The following IGBP1C variants were observed in gnomAD, a reference collection of about 807,000 sequenced individuals.
IGBP1C encodes immunoglobulin-binding protein 1 family member C.
chr17:58,662,615 G>C, the IGBP1C span, among the ~76,000 whole-genome samples: 1 of 152,118 alleles, frequency 6.6e-6, no homozygotes, highest in Non-Finnish European at 1.5e-5. Flanking sequence ...GATCATGGCT[G>C]TTCCTGCCAA....
the IGBP1C span, among the ~76,000 whole-genome samples, chr17:58,662,167 A>G: frequency 1.3e-5 from 2 of 149,282 alleles, no homozygotes; most frequent in Non-Finnish European, 3.0e-5. Context: ...AAAATTACTG[A>G]GTGGCCAGGC....
chr17:58,665,904 A>G, the IGBP1C span, among the ~76,000 whole-genome samples: 1 of 151,842 alleles, frequency 6.6e-6, no homozygotes, highest in Non-Finnish European at 1.5e-5. Context: ...AAAACTAGCC[A>G]CGCGTGGTGG....
the IGBP1C span, among the ~76,000 whole-genome samples, chr17:58,674,081 C>T: frequency 6.6e-6 from 1 of 152,104 alleles, no homozygotes; most frequent in African/African-American, 2.4e-5. Context: ...CAAGACCAGT[C>T]TGGCCAACAT....
the IGBP1C span, among the ~76,000 whole-genome samples, chr17:58,683,754 C>T: frequency 2.4e-5 from 3 of 125,286 alleles, no homozygotes; most frequent in African/African-American, 9.3e-5. Context: ...CAGAGCAAGA[C>T]TCCAGCTCAA....
chr17:58,670,434 A>G, the IGBP1C span, among the ~76,000 whole-genome samples: 1 of 152,028 alleles, frequency 6.6e-6, no homozygotes, highest in South Asian at 2.1e-4. Flanking sequence ...TAAAAAAAAA[A>G]ACAACAAACA....
the IGBP1C span, among the ~76,000 whole-genome samples, chr17:58,681,025 T>A: frequency 2.0e-5 from 3 of 152,114 alleles, no homozygotes; most frequent in Non-Finnish European, 2.9e-5. Flanking sequence ...CTCACACCTG[T>A]AATCCCAGCA....
chr17:58,661,490 G>A, the IGBP1C span: 1 of 781,258 alleles, frequency 1.3e-6, no homozygotes, highest in South Asian at 1.3e-5. Flanking sequence ...GACTATTCGG[G>A]AACCGGTGGG....
chr17:58,675,321 G>A, the IGBP1C span: 10 of 153,418 alleles, frequency 6.5e-5, no homozygotes, highest in South Asian at 7.2e-4. Flanking sequence ...TGATTTTCCC[G>A]AAAAAAGCTA....
the IGBP1C span, chr17:58,661,372 G>C: frequency 1.1e-6 from 1 of 923,696 alleles, no homozygotes. Context: ...ACTTCAGGTC[G>C]GTGGAAGTAA....
chr17:58,684,836 C>T, the IGBP1C span, among the ~76,000 whole-genome samples: 1 of 151,326 alleles, frequency 6.6e-6, no homozygotes, highest in African/African-American at 2.4e-5. Context: ...ATTAGCTGGG[C>T]GTGGTGTCTC....
At chr17:58,680,547 G>A in the IGBP1C span, among the ~76,000 whole-genome samples, 1 of 152,074 alleles carries the variant, frequency 6.6e-6, no homozygotes, top group South Asian at 2.1e-4. Flanking sequence ...TTCGAGACCA[G>A]CCTGGCCAAC....
At chr17:58,678,042 C>A in the IGBP1C span, among the ~76,000 whole-genome samples, 1 of 152,052 alleles carries the variant, frequency 6.6e-6, no homozygotes, top group East Asian at 1.9e-4. Flanking sequence ...CCCAGCTATT[C>A]GGGAGGCTGA....
the IGBP1C span, among the ~76,000 whole-genome samples, chr17:58,688,093 C>A: frequency 6.6e-6 from 1 of 152,184 alleles, no homozygotes; most frequent in East Asian, 1.9e-4. Flanking sequence ...TACTCTACTT[C>A]GGCACTTTTA....
chr17:58,681,018 A>G, the IGBP1C span, among the ~76,000 whole-genome samples: 26,020 of 151,992 alleles, frequency 0.17, 2,355 homozygotes, highest in Non-Finnish European at 0.19. Context: ...GCAGTGGCTC[A>G]CACCTGTAAT....
At chr17:58,678,085 G>A in the IGBP1C span, among the ~76,000 whole-genome samples, 1 of 152,208 alleles carries the variant, frequency 6.6e-6, no homozygotes, top group Non-Finnish European at 1.5e-5. Context: ...GGTAGGCAGA[G>A]GTTGCAGTGA....
At chr17:58,690,102 T>C in the IGBP1C span, among the ~76,000 whole-genome samples, 1 of 151,974 alleles carries the variant, frequency 6.6e-6, no homozygotes, top group African/African-American at 2.4e-5. Flanking sequence ...GCAGAAGATA[T>C]TAATAGCACT....
chr17:58,675,252 C>T, the IGBP1C span: 1 of 152,198 alleles, frequency 6.6e-6, no homozygotes, highest in Non-Finnish European at 1.5e-5. Context: ...CCACTTCACC[C>T]TCACTATGAT....
the IGBP1C span, among the ~76,000 whole-genome samples, chr17:58,671,244 G>C: frequency 3.3e-5 from 5 of 152,300 alleles, no homozygotes; most frequent in African/African-American, 1.2e-4. Flanking sequence ...GAATAGACTA[G>C]AGAGGGTTTC....
the IGBP1C span, among the ~76,000 whole-genome samples, chr17:58,683,007 C>G: frequency 6.8e-6 from 1 of 147,934 alleles, no homozygotes; most frequent in African/African-American, 2.5e-5. Flanking sequence ...GTGTCGAGAT[C>G]GCGCCATTGC....
Sources: gnomAD v4.1 joint callset for allele counts (sites outside exome capture counted in the v4.1 genomes callset) on GRCh38, gnomAD v4.1.1 for gene constraint, MANE v1.5 for transcripts, NCBI Gene and HGNC (gene_info 2026-07-23, HGNC 2026-07-21) for gene names.